The following CALN1 variants were observed in gnomAD, a reference collection of about 807,000 sequenced individuals.
CALN1 encodes calcium-binding protein 8.
In CALN1, 17 loss-of-function variants were observed where a neutral mutation model predicts 30.6. The ratio of observed to expected loss-of-function variants is 0.56; its 90% CI spans 0.38 to 0.83. The LOEUF is 0.83. Ranked by LOEUF, CALN1 falls within the 40% of genes least tolerant of loss-of-function variation. The probability of loss-of-function intolerance (pLI) is 0.00; values close to 1 mark genes in which losing one functional copy is unlikely to be tolerated. For missense variants in CALN1, 291 were observed against 354.9 expected (o/e 0.82, Z 1.45); for synonymous variants, 156 against 131.4 (o/e 1.19, Z -1.28).
At chr7:71,897,415 C>T (rs532660272) in intron 5 of CALN1, among the ~76,000 whole-genome samples, 22 of 152,052 alleles carry the variant, frequency 1.4e-4, no homozygotes, top group East Asian at 7.8e-4. Context: ...ACAAAAGGGC[C>T]GGTTGGAAGA....
At chr7:72,502,574 A>T in the CALN1 span, among the ~76,000 whole-genome samples, 13 of 152,176 alleles carry the variant, frequency 8.5e-5, no homozygotes, top group Admixed American at 2.6e-4. Context: ...TTACCTTCGC[A>T]TTATAGAATT....
At chr7:72,075,932 C>G (rs898333455) in intron 4 of CALN1, among the ~76,000 whole-genome samples, 4 of 152,068 alleles carry the variant, frequency 2.6e-5, no homozygotes, top group Non-Finnish European at 1.5e-5. Flanking sequence ...CTCTGGGGCA[C>G]AGGGCATAGG....
intron 4 of CALN1, among the ~76,000 whole-genome samples, chr7:72,046,780 A>C (rs1043023887): frequency 1.6e-4 from 24 of 151,552 alleles, no homozygotes; most frequent in African/African-American, 5.6e-4. Context: ...CACACCTATA[A>C]TCCCAGCACT....
intron 5 of CALN1, among the ~76,000 whole-genome samples, chr7:71,899,408 G>T (rs903150101): frequency 6.6e-6 from 1 of 152,122 alleles, no homozygotes; most frequent in Non-Finnish European, 1.5e-5. Context: ...CTCCCAAAGT[G>T]CTGGGATTAC....
chr7:72,230,760 T>A (rs908742030), intron 3 of CALN1, among the ~76,000 whole-genome samples: 30 of 152,188 alleles, frequency 2.0e-4, no homozygotes, highest in African/African-American at 7.0e-4. Flanking sequence ...TGAAAGATAA[T>A]AAATTCGTAT....
chr7:72,131,442 T>C (rs1487779423), intron 3 of CALN1, among the ~76,000 whole-genome samples: 1 of 152,180 alleles, frequency 6.6e-6, no homozygotes, highest in Non-Finnish European at 1.5e-5. Context: ...GCTAAATTTA[T>C]TTATCGCTGC....
At chr7:72,373,507 GACAGTATTCAATAAACT>G (rs1204033616) in intron 2 of CALN1, among the ~76,000 whole-genome samples, 8 of 152,020 alleles carry the variant, frequency 5.3e-5, no homozygotes, top group African/African-American at 1.9e-4. Context: ...TCACTTTCAG[GACAGTATTCAATAAACT>G]ACATGAGATA....
intron 5 of CALN1, among the ~76,000 whole-genome samples, chr7:71,983,054 T>C (rs973990011): frequency 8.5e-5 from 13 of 152,290 alleles, no homozygotes; most frequent in African/African-American, 3.1e-4. Context: ...ACATCACACC[T>C]GGTCCAACCA....
At chr7:72,199,341 A>C (rs1177616114) in intron 3 of CALN1, among the ~76,000 whole-genome samples, 1 of 152,222 alleles carries the variant, frequency 6.6e-6, no homozygotes, top group African/African-American at 2.4e-5. Flanking sequence ...TTCCCATGAA[A>C]GGCTACAATC....
intron 5 of CALN1, among the ~76,000 whole-genome samples, chr7:71,907,135 G>C (rs1794179131): frequency 6.6e-6 from 1 of 152,110 alleles, no homozygotes; most frequent in African/African-American, 2.4e-5. Context: ...TTCAGCTTTG[G>C]ATAATTGAAC....
At chr7:72,248,781 T>C (rs117943551) in intron 3 of CALN1, among the ~76,000 whole-genome samples, 3,571 of 152,132 alleles carry the variant, frequency 0.023, 70 homozygotes, top group South Asian at 0.1. Flanking sequence ...TCGGGGGACA[T>C]TGTTCAGCCA....
At chr7:72,215,808 G>A (rs1792757381) in intron 3 of CALN1, among the ~76,000 whole-genome samples, 1 of 152,106 alleles carries the variant, frequency 6.6e-6, no homozygotes, top group Non-Finnish European at 1.5e-5. Context: ...TCAGTGTTGA[G>A]CCACAGCCAC....
intron 2 of CALN1, among the ~76,000 whole-genome samples, chr7:72,341,288 C>T (rs1171507092): frequency 2.0e-5 from 3 of 152,098 alleles, no homozygotes; most frequent in Non-Finnish European, 4.4e-5. Flanking sequence ...TTTGGGAAGC[C>T]GAGGCGGGTG....
chr7:72,387,330 G>T (rs1299114540), intron 2 of CALN1, among the ~76,000 whole-genome samples: 2 of 123,292 alleles, frequency 1.6e-5, no homozygotes, highest in Admixed American at 9.5e-5. Context: ...CCATATACAA[G>T]AATTCCATAA....
intron 3 of CALN1, among the ~76,000 whole-genome samples, chr7:72,169,533 G>C (rs1237402077): frequency 6.7e-6 from 1 of 150,192 alleles, no homozygotes; most frequent in African/African-American, 2.5e-5. Context: ...ATGTTGCCCA[G>C]GCTGGTCCTG....
chr7:72,233,508 G>T (rs1420598322), intron 3 of CALN1, among the ~76,000 whole-genome samples: 1 of 152,022 alleles, frequency 6.6e-6, no homozygotes, highest in African/African-American at 2.4e-5. Flanking sequence ...TTGAGACCAG[G>T]AGTTTGAGAC....
chr7:71,835,637 T>C (rs190621874), intron 5 of CALN1, among the ~76,000 whole-genome samples: 1 of 152,288 alleles, frequency 6.6e-6, no homozygotes, highest in East Asian at 1.9e-4. Context: ...AAACAAACAC[T>C]TTATAGAAAC....
intron 4 of CALN1, among the ~76,000 whole-genome samples, chr7:72,095,498 G>C (rs1437495890): frequency 6.6e-6 from 1 of 152,102 alleles, no homozygotes; most frequent in Non-Finnish European, 1.5e-5. Flanking sequence ...CATTTGCAGA[G>C]ACATTTTTCT....
intron 2 of CALN1, among the ~76,000 whole-genome samples, chr7:72,377,019 T>G (rs1434664567): frequency 1.3e-5 from 2 of 152,222 alleles, no homozygotes; most frequent in East Asian, 3.8e-4. Flanking sequence ...GTTTTCTTTT[T>G]GGACTCTCAA....
Sources: gnomAD v4.1 joint callset for allele counts (sites outside exome capture counted in the v4.1 genomes callset) on GRCh38, gnomAD v4.1.1 for gene constraint, MANE v1.5 for transcripts, NCBI Gene and HGNC (gene_info 2026-07-23, HGNC 2026-07-21) for gene names.